The following TMEM126A variants were observed in gnomAD, a reference collection of about 807,000 sequenced individuals.
The protein encoded by TMEM126A is transmembrane protein 126A.
TMEM126A carries 10 observed loss-of-function variants against 18.3 expected under a neutral mutation model. The ratio of observed to expected loss-of-function variants is 0.55; its 90% CI spans 0.34 to 0.93. The LOEUF (loss-of-function observed/expected upper bound fraction) is 0.93. Ranked by LOEUF, TMEM126A falls within the 40% of genes least tolerant of loss-of-function variation. The pLI is 0.02. For missense variants in TMEM126A, 246 were observed against 230.2 expected, an observed-to-expected ratio of 1.07 and a Z score of -0.44; for synonymous variants, 68 against 78.1, an observed-to-expected ratio of 0.87 and a Z score of 0.68.
At chr11:85,649,870 C>T (rs2082486658) in intron 1 of TMEM126A, among the ~76,000 whole-genome samples, 1 of 152,112 alleles carries the variant, frequency 6.6e-6, no homozygotes, top group South Asian at 2.1e-4. Context: ...TATGTAGTTC[C>T]ATGTATGTTC....
At chr11:85,651,125 A>G (rs868198377) in intron 2 of TMEM126A, among the ~76,000 whole-genome samples, 4 of 151,928 alleles carry the variant, frequency 2.6e-5, no homozygotes, top group South Asian at 2.1e-4. Context: ...TAGGGAACAT[A>G]CTAATCTTTG....
intron 2 of TMEM126A, among the ~76,000 whole-genome samples, chr11:85,651,716 G>A (rs757362575): frequency 7.9e-5 from 12 of 152,044 alleles, no homozygotes; most frequent in Non-Finnish European, 1.6e-4. Flanking sequence ...AGAACTTGGT[G>A]AGATCTTAAA....
intron 1 of TMEM126A, among the ~76,000 whole-genome samples, chr11:85,649,515 T>C (rs971267061): frequency 3.3e-5 from 5 of 152,392 alleles, no homozygotes; most frequent in East Asian, 3.9e-4. Flanking sequence ...TGATCTCAGG[T>C]ATACCTAGAA....
At chr11:85,650,168 C>T (rs1377845292) in intron 1 of TMEM126A, 81 bp from the exon 2 acceptor site, 1 of 834,112 alleles carries the variant, frequency 1.2e-6, no homozygotes, top group Non-Finnish European at 1.9e-6. Context: ...ATTAGCTCTA[C>T]AGTATTATTT....
rs200200452 is a variant in TMEM126A at position 85,653,708 on chromosome 11, ATCT to A, written c.87-351_87-349del. ...TCACATTAACTCCACATTATTGAAC[ATCT>A]TCTGTGTCAGGCTGAATACATCTTT... On this transcript the variant is annotated intron_variant, in intron 2 of 4. Coordinates refer to ENST00000304511, the MANE Select transcript of TMEM126A (RefSeq NM_032273.4). 3.2e-3 allele frequency among the ~76,000 whole-genome samples: 484 copies of A among 152,302 alleles called. 17 individuals are homozygous for A. The East Asian group carries it at 0.079, about 25-fold the overall frequency.
intron 2 of TMEM126A, 48 bp downstream of exon 2, chr11:85,650,389 C>G (rs200683518): frequency 7.8e-7 from 1 of 1,287,300 alleles, no homozygotes; most frequent in Non-Finnish European, 1.1e-6. Flanking sequence ...GGTGGATTTT[C>G]ACCATTGATT....
At position 85,654,143 on chromosome 11, in the gene TMEM126A, G is replaced by C. The variant is rs192269199; in HGVS notation, c.167G>C (p.Arg56Pro). ...CTCATAGCAAACAGTCTTTTTCGAC[G>C]CATCTTGAATGTGACAAAGGCTCGC... ...CGLIANSLFR[R>P]ILNVTKARIA... The change falls in exon 3 of 5, where the codon CGC becomes CCC. Residue 56 changes from arginine to proline, a missense_variant. Physicochemically the swap from Arg to Pro is moderately radical, Grantham distance 103. Transcript: ENST00000304511. 6.2e-7 allele frequency: 1 copy of C among 1,614,100 alleles called. No individual in the cohort carries two copies. The highest frequency in any genetic ancestry group is 8.5e-7 in the Non-Finnish European group (1 of 1,180,020).
chr11:85,656,428 A>G lies in TMEM126A; in HGVS notation c.515A>G (p.Tyr172Cys). The stretch of plus-strand genomic sequence containing the variant: ...TTGCTCCAGACTATGTTTTCAGCAT[A>G]CCTTGGGTCTGAACAATATAAACTA... ...PILLQTMFSAYLGSEQYKLLI... is the reference protein window; with the variant it reads ...PILLQTMFSACLGSEQYKLLI... The change falls in exon 5 of 5, where the codon TAC becomes TGC. Residue 172 changes from tyrosine (Y) to cysteine (C), a missense_variant. Physicochemically the swap from Tyr to Cys is radical, Grantham distance 194. Transcript: ENST00000304511. The G allele has an allele frequency of 1.2e-6, 2 of 1,613,390 alleles. No homozygotes were observed. Among genetic ancestry groups the G allele is most frequent in the African/African-American group, 2.7e-5 (2 of 75,026 alleles).
intron 1 of TMEM126A, among the ~76,000 whole-genome samples, chr11:85,649,374 G>A (rs1442694220): frequency 2.0e-5 from 3 of 152,138 alleles, no homozygotes; most frequent in Non-Finnish European, 2.9e-5. Context: ...GCTTGCCTTG[G>A]TACAGCCACC....
At chr11:85,649,022 C>T (rs1041015798) in intron 1 of TMEM126A, among the ~76,000 whole-genome samples, 4 of 151,452 alleles carry the variant, frequency 2.6e-5, no homozygotes, top group Admixed American at 2.6e-4. Context: ...GCAACCTCCA[C>T]CTCCCAGGTT....
chr11:85,656,257 C>T, intron 4 of TMEM126A, 52 bp from the exon 5 acceptor site: 2 of 1,512,664 alleles, frequency 1.3e-6, no homozygotes, highest in Non-Finnish European at 1.8e-6. Context: ...GATGGGTTTG[C>T]CATTTGATGC....
At position 85,655,565 on chromosome 11, in the gene TMEM126A, T is replaced by G. The variant is rs552455050; in HGVS notation, c.281-29T>G. 9 of 1,528,526 alleles carry G rather than the reference T, an allele frequency of 5.9e-6. No individual in the cohort carries two copies. The African/African-American group carries it at 1.2e-4, about 21-fold the overall frequency. The allele number at this position is 1,528,526 out of a possible 1,614,324, so 94.7% of individuals were successfully genotyped here. On this transcript the variant is annotated intron_variant, in intron 3 of 4. Transcript: ENST00000304511. ...TCATGTTTGCTTGACTATCATGACC[T>G]TCATTTCTATGACTAATTTATTTCC...
At chr11:85,653,942 A>G (rs897200671) in intron 2 of TMEM126A, 121 bp from the exon 3 acceptor site, 1 of 1,227,520 alleles carries the variant, frequency 8.1e-7, no homozygotes, top group Non-Finnish European at 1.2e-6. Context: ...TTTTGGTTCT[A>G]TAAGGGATAG....
At chr11:85,651,017 C>G (rs754657594) in intron 2 of TMEM126A, among the ~76,000 whole-genome samples, 21 of 126,216 alleles carry the variant, frequency 1.7e-4, no homozygotes, top group Non-Finnish European at 2.8e-4. Flanking sequence ...TGCAGTGAGC[C>G]GAGATCACAC....
rs550640121 is a variant in TMEM126A at position 85,655,723 on chromosome 11, A to G, written c.395+15A>G. The G allele has an allele frequency of 1.3e-6, 2 of 1,556,746 alleles. No homozygotes were observed. Among genetic ancestry groups the G allele is most frequent in the Admixed American group, 1.7e-5 (1 of 59,908 alleles). ...CTAGCAGCCAGGTAGGAAATAAAAAACTTTTTATAATATGTGATTACCTAT... is the reference window on the plus strand; with the variant it reads ...CTAGCAGCCAGGTAGGAAATAAAAAGCTTTTTATAATATGTGATTACCTAT... On this transcript the variant is annotated intron_variant, in intron 4 of 4. Transcript: ENST00000304511.
rs2082538970 is a variant in TMEM126A, at chr11:85,656,309, G to C, written c.396G>C (p.Arg132Ser). 6.2e-7 allele frequency: 1 copy of C among 1,610,500 alleles called. No individual in the cohort carries two copies. The highest frequency in any genetic ancestry group is 2.2e-5 in the East Asian group (1 of 44,750). ...GAACTATCTCAATGTTTTCTTACAGGTATCAATCAGCTCTGTTACCACACA... is the reference window on the plus strand; with the variant it reads ...GAACTATCTCAATGTTTTCTTACAGCTATCAATCAGCTCTGTTACCACACA... The part of the protein sequence containing the change: ...AIPVNGGLAA[R>S]YQSALLPHKG... Residue 132 changes from arginine (R) to serine (S), a missense_variant and splice_region_variant, in exon 5 of 5, where the codon AGG becomes AGC. Arg to Ser is a moderately radical substitution (Grantham distance 110). Transcript: ENST00000304511.
At chr11:85,649,375 TACAGCC>T (rs1306572378) in intron 1 of TMEM126A, among the ~76,000 whole-genome samples, 5 of 152,242 alleles carry the variant, frequency 3.3e-5, no homozygotes, top group Admixed American at 6.5e-5. Context: ...CTTGCCTTGG[TACAGCC>T]ACCCAGCTAA....
intron 3 of TMEM126A, chr11:85,655,358 T>C: frequency 2.3e-6 from 1 of 434,514 alleles, no homozygotes; most frequent in South Asian, 2.2e-5. Context: ...GAGATTATTA[T>C]ATCTAAGTTG....
At position 85,653,893 on chromosome 11, in the gene TMEM126A, G is replaced by A. The variant is rs977062212; in HGVS notation, c.87-170G>A. 29 of 700,388 alleles carry A rather than the reference G, an allele frequency of 4.1e-5. 1 individual carries two copies. The Middle Eastern group carries it at 2.0e-3, about 48-fold the overall frequency. The allele number at this position is 700,388 out of a possible 1,614,324, so 43.4% of individuals were successfully genotyped here. ...AGGAGAGGCACCCACTGGCTGCTGGGAGAAGAGCAAAAACCTATATATAAA... is the reference window on the plus strand; with the variant it reads ...AGGAGAGGCACCCACTGGCTGCTGGAAGAAGAGCAAAAACCTATATATAAA... On this transcript the variant is annotated intron_variant, in intron 2 of 4. Transcript: ENST00000304511.
Sources: allele counts gnomAD v4.1 joint callset (sites outside exome capture counted in the v4.1 genomes callset), GRCh38; gene constraint gnomAD v4.1.1; transcripts MANE v1.5; gene names NCBI Gene and HGNC (gene_info 2026-07-23, HGNC 2026-07-21).